SOS2: variants seen among roughly 807,000 people sequenced by gnomAD.
SOS2 encodes son of sevenless homolog 2.
A neutral mutation model predicts 148.2 loss-of-function variants in SOS2; 65 were observed. That is an observed-to-expected ratio of 0.44 (90% CI 0.36 to 0.54). SOS2 has a LOEUF of 0.54. Among genes scored for constraint, SOS2 ranks in the 20% least tolerant of loss-of-function variants. SOS2 has a pLI of 0.00. For synonymous variants in SOS2, 539 were observed against 537.1 expected (o/e 1.00, Z -0.05); for missense variants, 1,341 against 1,590.2 (o/e 0.84, Z 2.67).
Position 50,178,666 on chromosome 14 carries a change from GTGTGCATATATATATATATATATATA to G in SOS2, c.969+1880_969+1905del, listed in dbSNP as rs1401414433. Among the ~76,000 whole-genome samples, 84 of 70,070 alleles carry G rather than the reference GTGTGCATATATATATATATATATATA, an allele frequency of 1.2e-3. 3 individuals are homozygous for G. The highest frequency in any genetic ancestry group is 5.1e-3 in the South Asian group (12 of 2,358). The allele number at this position is 70,070 out of a possible 152,430, so 46.0% of individuals were successfully genotyped here. A position where few individuals can be genotyped will look rare whatever the true frequency, so the allele number is the denominator to read the frequency against. On this transcript the variant is annotated intron_variant, in intron 7 of 22. Coordinates refer to ENST00000216373, the MANE Select transcript of SOS2 (RefSeq NM_006939.4). ...CCCGCTAGTGTGTGTGTGTGTGTGT[GTGTGCATATATATATATATATATATA>G]TATATATATATATATATATACACAC...
intron 9 of SOS2, among the ~76,000 whole-genome samples, chr14:50,160,771 A>G (rs901944537): frequency 6.6e-6 from 1 of 152,158 alleles, no homozygotes; most frequent in African/African-American, 2.4e-5. Flanking sequence ...AGGCCAAAGC[A>G]GGCAGATCAC....
intron 1 of SOS2, among the ~76,000 whole-genome samples, chr14:50,213,149 G>A (rs1022786088): frequency 1.3e-5 from 2 of 152,174 alleles, no homozygotes; most frequent in Admixed American, 6.6e-5. Flanking sequence ...ATTATAGGAT[G>A]AGAGCTGTAA....
intron 1 of SOS2, among the ~76,000 whole-genome samples, chr14:50,224,882 T>C (rs551638814): frequency 1.1e-3 from 4 of 3,642 alleles, no homozygotes; most frequent in East Asian, 8.3e-3. Flanking sequence ...CAAAACCCTG[T>C]CAAAAAAAAA....
chr14:50,189,099 ACACG>A (rs1448610919), intron 4 of SOS2, among the ~76,000 whole-genome samples: 61 of 148,550 alleles, frequency 4.1e-4, no homozygotes, highest in African/African-American at 1.2e-3. Context: ...ACACACACAC[ACACG>A]CACACACAAA....
At chr14:50,216,828 T>C (rs1887052207) in intron 1 of SOS2, among the ~76,000 whole-genome samples, 1 of 152,168 alleles carries the variant, frequency 6.6e-6, no homozygotes, top group Non-Finnish European at 1.5e-5. Context: ...CTTAAATAAA[T>C]GAAGAGATTA....
intron 1 of SOS2, among the ~76,000 whole-genome samples, chr14:50,224,764 T>TA (rs1474519854): frequency 6.6e-6 from 1 of 151,708 alleles, no homozygotes; most frequent in Non-Finnish European, 1.5e-5. Flanking sequence ...CACATGCCTG[T>TA]AGTCCCAGCT....
chr14:50,149,318 A>T (rs1884589348), intron 14 of SOS2, among the ~76,000 whole-genome samples: 1 of 152,180 alleles, frequency 6.6e-6, no homozygotes, highest in Non-Finnish European at 1.5e-5. Flanking sequence ...ATTCGGCCAT[A>T]AAAAAAGAAT....
intron 14 of SOS2, among the ~76,000 whole-genome samples, chr14:50,148,504 T>G (rs1408314723): frequency 1.3e-5 from 2 of 152,160 alleles, no homozygotes; most frequent in Non-Finnish European, 2.9e-5. Context: ...AGTGAAGTGC[T>G]TTTTTTCTGA....
At chr14:50,141,981 T>A (rs977577988) in intron 16 of SOS2, among the ~76,000 whole-genome samples, 1 of 151,412 alleles carries the variant, frequency 6.6e-6, no homozygotes. Context: ...ATTCAATTTA[T>A]GACACATTTA....
intron 7 of SOS2, among the ~76,000 whole-genome samples, chr14:50,178,697 T>C (rs1349822205): frequency 3.1e-4 from 8 of 25,412 alleles, no homozygotes; most frequent in East Asian, 4.1e-3. Flanking sequence ...TATATATATA[T>C]ATATATATAT....
intron 21 of SOS2, among the ~76,000 whole-genome samples, chr14:50,123,349 A>G (rs1883580246): frequency 6.7e-6 from 1 of 149,488 alleles, no homozygotes; most frequent in Non-Finnish European, 1.5e-5. Context: ...ACCGGCTTTC[A>G]CTGTGAGTGA....
At chr14:50,138,209 T>C (rs1309089088) in intron 18 of SOS2, among the ~76,000 whole-genome samples, 1 of 145,758 alleles carries the variant, frequency 6.9e-6, no homozygotes, top group Non-Finnish European at 1.5e-5. Flanking sequence ...CAGGCTGGAG[T>C]GCAGTGGCGC....
chr14:50,215,771 G>A lies in SOS2; in HGVS notation c.88-11362C>T, dbSNP rs945330387. Among the ~76,000 whole-genome samples the A allele has an allele frequency of 2.6e-5, 4 of 152,032 alleles. No homozygotes were observed. The East Asian group carries it at 7.7e-4, about 29-fold the overall frequency. On this transcript the variant is annotated intron_variant, in intron 1 of 22. Coordinates refer to ENST00000216373, the MANE Select transcript of SOS2 (RefSeq NM_006939.4). ...ATAGTCTCATACTATAAATCCATGT[G>A]TAGACACACACAAAAGCACTTTAAC...
rs74340459 is a variant in SOS2, at chr14:50,133,843, T to C, written c.3075+280A>G. ...GTCTTTTCTTTTTTTTTCTGTTCCA[T>C]TCAGCTACCTATTAAGTTCTCACTT... On this transcript the variant is annotated intron_variant, in intron 19 of 22. Coordinates refer to ENST00000216373, the MANE Select transcript of SOS2 (RefSeq NM_006939.4). 0.024 allele frequency among the ~76,000 whole-genome samples: 3,708 copies of C among 151,988 alleles called. 142 individuals are homozygous for C. Among genetic ancestry groups the C allele is most frequent in the African/African-American group, 0.083 (3,439 of 41,488 alleles).
rs1165228227 is a variant in SOS2, at chr14:50,150,200, A to G, written c.2192T>C (p.Ile731Thr). The change falls in exon 14 of 23, where the codon ATT becomes ACT. Residue 731 changes from isoleucine (I) to threonine (T), a missense_variant. This residue lies in a region of SOS2 where 408 missense variants were observed against 506.6 expected (regional missense o/e 0.81). Coordinates refer to ENST00000216373, the MANE Select transcript of SOS2 (RefSeq NM_006939.4). ...GKAMKKWVES[I>T]AKIIRRKKQA... Reference sequence around the variant, plus strand: ...CTTCTTCCTCCTGATGATCTTAGCAATTGACTCTACCCATTTTTTCATAGC... The same window carrying G: ...CTTCTTCCTCCTGATGATCTTAGCAGTTGACTCTACCCATTTTTTCATAGC... 2.5e-6 allele frequency: 4 copies of G among 1,612,540 alleles called. No individual in the cohort carries two copies. In the South Asian group the frequency reaches 4.4e-5, roughly 18 times the overall value.
At chr14:50,119,971 C>T (rs1163114292) in intron 22 of SOS2, among the ~76,000 whole-genome samples, 3 of 151,984 alleles carry the variant, frequency 2.0e-5, no homozygotes, top group Non-Finnish European at 4.4e-5. Flanking sequence ...GCCACCACAC[C>T]CAGCTAATTT....
At position 50,184,864 on chromosome 14, in the gene SOS2, C is replaced by CAA. The variant is rs34039045; in HGVS notation, c.715-2260_715-2259dup. Reference sequence around the variant, plus strand: ...GGGCAACAGAGCCAGACCCTGTCTCCAAAAAAAAAAAAAAAAAAAAAAAAA... The same window carrying CAA: ...GGGCAACAGAGCCAGACCCTGTCTCCAAAAAAAAAAAAAAAAAAAAAAAAAAA... On this transcript the variant is annotated intron_variant, in intron 5 of 22. Transcript: ENST00000216373. Among the ~76,000 whole-genome samples the CAA allele has an allele frequency of 4.7e-3, 270 of 57,126 alleles. 1 individual carries two copies. The highest frequency in any genetic ancestry group is 0.016 in the African/African-American group (247 of 15,420). The allele number at this position is 57,126 out of a possible 152,430, so 37.5% of individuals were successfully genotyped here.
chr14:50,152,444 CAT>C (rs762891130), intron 13 of SOS2, among the ~76,000 whole-genome samples: 4 of 152,084 alleles, frequency 2.6e-5, no homozygotes, highest in Admixed American at 1.3e-4. Context: ...TAAAATTACA[CAT>C]ATTTTTATTC....
intron 21 of SOS2, among the ~76,000 whole-genome samples, chr14:50,121,616 G>C (rs1883516820): frequency 6.7e-6 from 1 of 148,486 alleles, no homozygotes; most frequent in Admixed American, 6.8e-5. Context: ...GGGGAGGTTA[G>C]GCAGAGGATG....
Sources: allele counts gnomAD v4.1 joint callset (sites outside exome capture counted in the v4.1 genomes callset), GRCh38; gene constraint gnomAD v4.1.1; regional missense constraint gnomAD v4.1.1; transcripts MANE v1.5; gene names NCBI Gene and HGNC (gene_info 2026-07-23, HGNC 2026-07-21).